PDE4D: variants seen among roughly 807,000 people sequenced by gnomAD.
PDE4D encodes the protein 3',5'-cyclic-AMP phosphodiesterase 4D.
In PDE4D, 24 loss-of-function variants were observed where a neutral mutation model predicts 87.4. The observed-to-expected ratio is 0.27, with a 90% CI of 0.20 to 0.39. The LOEUF (loss-of-function observed/expected upper bound fraction) is 0.39. Ranked by LOEUF, PDE4D falls within the 10% of genes least tolerant of loss-of-function variation. PDE4D has a pLI of 1.00. For synonymous variants in PDE4D, 384 were observed against 383.2 expected (o/e 1.00, Z -0.02); for missense variants, 714 against 1,041.0 (o/e 0.69, Z 4.32).
At chr5:59,585,925 T>C (rs551719809) in intron 1 of PDE4D, among the ~76,000 whole-genome samples, 2 of 152,372 alleles carry the variant, frequency 1.3e-5, no homozygotes, top group South Asian at 4.1e-4. Flanking sequence ...AACCTTCTTT[T>C]AGAAATTCAG....
chr5:59,141,099 T>C (rs1214867469), intron 5 of PDE4D, among the ~76,000 whole-genome samples: 4 of 152,218 alleles, frequency 2.6e-5, no homozygotes, highest in Non-Finnish European at 5.9e-5. Context: ...AAATGTAAAC[T>C]AAATGGCAAT....
chr5:59,271,930 T>TA (rs1245320406), intron 1 of PDE4D, among the ~76,000 whole-genome samples: 3 of 151,804 alleles, frequency 2.0e-5, no homozygotes, highest in African/African-American at 7.2e-5. Context: ...TTTTTACTCC[T>TA]AAAAAATAAC....
chr5:59,966,445 A>C (rs1760066880), intron 3 of PDE4D, among the ~76,000 whole-genome samples: 1 of 152,220 alleles, frequency 6.6e-6, no homozygotes, highest in African/African-American at 2.4e-5. Flanking sequence ...GTATAGGCCT[A>C]TGTCATTCAA....
In PDE4D at chr5:59,306,658, T is replaced by C. The variant is rs186866484; in HGVS notation, c.456-90690A>G. On this transcript the variant is annotated intron_variant, in intron 1 of 14. Transcript: ENST00000340635. Reference sequence around the variant, plus strand: ...CTATGAATCCAACTTACAAGCAACATGAAGGACTTCTTCAAGGAGAACTGC... The same window carrying C: ...CTATGAATCCAACTTACAAGCAACACGAAGGACTTCTTCAAGGAGAACTGC... Among the ~76,000 whole-genome samples, 40 of 151,472 alleles carry C rather than the reference T, an allele frequency of 2.6e-4. No homozygotes were observed. In the East Asian group the frequency reaches 6.7e-3, roughly 25 times the overall value.
chr5:60,255,856 C>G (rs998247680), intron 1 of PDE4D, among the ~76,000 whole-genome samples: 1 of 151,770 alleles, frequency 6.6e-6, no homozygotes, highest in African/African-American at 2.4e-5. Context: ...AAACACTATG[C>G]AACATATTTT....
intron 3 of PDE4D, among the ~76,000 whole-genome samples, chr5:59,905,256 G>A (rs1469944866): frequency 6.6e-6 from 1 of 152,102 alleles, no homozygotes; most frequent in Admixed American, 6.6e-5. Context: ...TTTGAACACA[G>A]TGAATTGTTC....
At chr5:59,403,469 C>T (rs982256844) in intron 1 of PDE4D, among the ~76,000 whole-genome samples, 8 of 152,090 alleles carry the variant, frequency 5.3e-5, no homozygotes, top group African/African-American at 1.7e-4. Flanking sequence ...ACTACACCTC[C>T]TAGCCTCTGG....
chr5:59,022,945 G>A (rs1261419299), intron 6 of PDE4D, among the ~76,000 whole-genome samples: 1 of 152,192 alleles, frequency 6.6e-6, no homozygotes, highest in Non-Finnish European at 1.5e-5. Context: ...GCGGGCCAAG[G>A]TGGGCAGATT....
intron 5 of PDE4D, among the ~76,000 whole-genome samples, chr5:59,129,742 TGAG>T (rs1776003695): frequency 6.6e-6 from 1 of 152,128 alleles, no homozygotes; most frequent in African/African-American, 2.4e-5. Flanking sequence ...TCGCGAATGG[TGAG>T]GAGATGGGGC....
At chr5:60,402,073 C>T (rs180711040) in intron 1 of PDE4D, among the ~76,000 whole-genome samples, 242 of 152,296 alleles carry the variant, frequency 1.6e-3, no homozygotes, top group Non-Finnish European at 2.0e-3. Flanking sequence ...CTGGAAAATA[C>T]GACTGATGAC....
In PDE4D at chr5:60,358,055, T is replaced by TGA. The variant is rs1561160473; in HGVS notation, c.-90+129885_-90+129886dup. 2.6e-5 allele frequency among the ~76,000 whole-genome samples: 4 copies of TGA among 152,326 alleles called. 1 individual carries two copies. Among genetic ancestry groups the TGA allele is most frequent in the African/African-American group, 9.6e-5 (4 of 41,586 alleles). On this transcript the variant is annotated intron_variant, in intron 1 of 16. Coordinates refer to the PDE4D transcript ENST00000502484. The stretch of plus-strand genomic sequence containing the variant: ...TTTATAGATCAAAACCCTGTGGCAC[T>TGA]GAGGGTTTAGTAACTATCAAGGTAA...
At chr5:59,870,264 G>A in intron 1 of PDE4D, among the ~76,000 whole-genome samples, 1 of 152,186 alleles carries the variant, frequency 6.6e-6, no homozygotes, top group East Asian at 1.9e-4. Flanking sequence ...TGGCTCTTAT[G>A]CTTTCTTTCC....
intron 1 of PDE4D, among the ~76,000 whole-genome samples, chr5:60,329,990 G>A (rs1486816799): frequency 1.3e-5 from 2 of 152,186 alleles, no homozygotes; most frequent in Non-Finnish European, 2.9e-5. Flanking sequence ...CTCTGCGTGG[G>A]CAAAACCATT....
At chr5:59,727,306 A>G (rs1050762374) in intron 1 of PDE4D, among the ~76,000 whole-genome samples, 7 of 152,152 alleles carry the variant, frequency 4.6e-5, no homozygotes, top group South Asian at 2.1e-4. Context: ...GTCAATTTAA[A>G]TGAAAATAGA....
chr5:60,207,209 G>C (rs567787467), intron 1 of PDE4D, among the ~76,000 whole-genome samples: 3 of 152,120 alleles, frequency 2.0e-5, no homozygotes, highest in Non-Finnish European at 4.4e-5. Flanking sequence ...GAGGAAGGAA[G>C]AAAAGAAGAA....
intron 1 of PDE4D, among the ~76,000 whole-genome samples, chr5:59,846,090 T>C (rs1232868717): frequency 6.6e-6 from 1 of 152,018 alleles, no homozygotes; most frequent in Non-Finnish European, 1.5e-5. Context: ...CTAAAATAGA[T>C]ACAAAAGCCC....
intron 1 of PDE4D, among the ~76,000 whole-genome samples, chr5:59,374,996 G>T (rs1784481765): frequency 6.6e-6 from 1 of 152,158 alleles, no homozygotes; most frequent in African/African-American, 2.4e-5. Flanking sequence ...TGAGAACAAA[G>T]ATACAACATA....
intron 1 of PDE4D, among the ~76,000 whole-genome samples, chr5:59,584,626 T>C (rs1426089971): frequency 6.6e-6 from 1 of 152,206 alleles, no homozygotes; most frequent in African/African-American, 2.4e-5. Context: ...GTCAAAAGTA[T>C]AGGTGAGGCT....
chr5:59,386,292 T>G (rs1253928106), intron 1 of PDE4D, among the ~76,000 whole-genome samples: 1 of 152,150 alleles, frequency 6.6e-6, no homozygotes, highest in Non-Finnish European at 1.5e-5. Context: ...TTTTGAGATG[T>G]TAAGAGTCCA....
Sources: gnomAD v4.1 joint callset for allele counts (sites outside exome capture counted in the v4.1 genomes callset) on GRCh38, gnomAD v4.1.1 for gene constraint, MANE v1.5 for transcripts, NCBI Gene and HGNC (gene_info 2026-07-23, HGNC 2026-07-21) for gene names.